GSK3B: variants seen among roughly 807,000 people sequenced by gnomAD.
GSK3B encodes the protein glycogen synthase kinase 3 beta.
Under a neutral mutation model 56.4 loss-of-function variants are expected in GSK3B, and 15 were observed. The ratio of observed to expected loss-of-function variants is 0.27; its 90% CI spans 0.18 to 0.41. The LOEUF (loss-of-function observed/expected upper bound fraction) is 0.41, where lower values mean the gene tolerates loss of function less well. Ranked by LOEUF, GSK3B falls within the 10% of genes least tolerant of loss-of-function variation. The pLI is 1.00. For missense variants in GSK3B, 300 were observed against 513.4 expected (o/e 0.58, Z 4.02); for synonymous variants, 181 against 188.9 (o/e 0.96, Z 0.34).
rs191874146 is a variant in GSK3B at position 119,826,946 on chromosome 3, T to A, written c.1196-91A>T. ...ACTGTTTCAACTGCAGGCTGTGAAC[T>A]GTATGGCCTTCCAAGCTGTTATTTG... On this transcript the variant is annotated intron_variant, in intron 10 of 10. Coordinates refer to ENST00000264235, the MANE Select transcript of GSK3B (RefSeq NM_001146156.2). 35 of 764,198 alleles carry A rather than the reference T, an allele frequency of 4.6e-5. No individual in the cohort carries two copies. The Admixed American group carries it at 6.2e-4, about 13-fold the overall frequency. The allele number at this position is 764,198 out of a possible 1,614,324, so 47.3% of individuals were successfully genotyped here.
At position 119,825,288 on chromosome 3, in the gene GSK3B, T is replaced by C. The variant is rs2055485792; in HGVS notation, c.*1500A>G. On this transcript the variant is annotated 3_prime_UTR_variant, in exon 11 of 11. Transcript: ENST00000264235. ...AAACAAACTAGTCATGAAAATCTAT[T>C]TCCTCACGGCAAACATAGTCCTTCA... 3 of 229,168 alleles carry C rather than the reference T, an allele frequency of 1.3e-5. No homozygotes were observed. The highest frequency in any genetic ancestry group is 1.7e-5 in the Non-Finnish European group (2 of 115,698). The allele number at this position is 229,168 out of a possible 1,614,324, so 14.2% of individuals were successfully genotyped here.
At chr3:119,901,717 C>T (rs1040992431) in intron 7 of GSK3B, among the ~76,000 whole-genome samples, 1 of 152,010 alleles carries the variant, frequency 6.6e-6, no homozygotes, top group Admixed American at 6.6e-5. Context: ...TAATTCAATA[C>T]AAACCTTAAT....
rs568287182 is a variant in GSK3B, at chr3:119,971,907, G to A, written c.283-24556C>T. 8.9e-4 allele frequency among the ~76,000 whole-genome samples: 136 copies of A among 152,002 alleles called. 1 individual carries two copies. The Middle Eastern group carries it at 0.01, about 11-fold the overall frequency. On this transcript the variant is annotated intron_variant, in intron 2 of 10. Transcript: ENST00000264235. ...ATTACAGGCGTGAGCCACCGCGCCC[G>A]GCCTGCAATAAAATTTTTATAAGGC... is the stretch of plus-strand genomic sequence containing the variant.
chr3:120,057,384 C>T (rs1434172545), intron 1 of GSK3B, among the ~76,000 whole-genome samples: 1 of 152,152 alleles, frequency 6.6e-6, no homozygotes, highest in Admixed American at 6.5e-5. Context: ...AGTATACATA[C>T]TCTTCAACCA....
At chr3:120,052,466 G>A (rs1292135860) in intron 1 of GSK3B, among the ~76,000 whole-genome samples, 1 of 152,120 alleles carries the variant, frequency 6.6e-6, no homozygotes, top group African/African-American at 2.4e-5. Context: ...TTAATTTCCT[G>A]TCCTAAAATA....
intron 9 of GSK3B, among the ~76,000 whole-genome samples, chr3:119,849,980 A>C (rs2055905405): frequency 6.6e-6 from 1 of 152,110 alleles, no homozygotes; most frequent in Non-Finnish European, 1.5e-5. Context: ...ATAATACCGA[A>C]TACAATGTAA....
At chr3:119,833,286 G>T (rs371732856) in intron 10 of GSK3B, among the ~76,000 whole-genome samples, 4 of 152,216 alleles carry the variant, frequency 2.6e-5, no homozygotes, top group South Asian at 4.2e-4. Context: ...GAAATGGGTT[G>T]GGAGGAGAAG....
intron 2 of GSK3B, among the ~76,000 whole-genome samples, chr3:119,952,499 A>G (rs1477733737): frequency 2.7e-5 from 4 of 146,206 alleles, no homozygotes; most frequent in East Asian, 1.9e-4. Flanking sequence ...AAAAAAAAAA[A>G]AAAAGAAAAG....
At chr3:120,025,020 G>C (rs918205976) in intron 1 of GSK3B, among the ~76,000 whole-genome samples, 8 of 152,144 alleles carry the variant, frequency 5.3e-5, no homozygotes, top group Non-Finnish European at 8.8e-5. Context: ...TCTAAAGCAG[G>C]CAGTGTGTGT....
intron 2 of GSK3B, among the ~76,000 whole-genome samples, chr3:119,970,276 G>A (rs1279129140): frequency 5.9e-5 from 9 of 152,116 alleles, no homozygotes; most frequent in Admixed American, 5.9e-4. Flanking sequence ...CTTTTAAAAT[G>A]GGTAAAAGAT....
chr3:119,941,935 A>C (rs1340090661), intron 3 of GSK3B, among the ~76,000 whole-genome samples: 1 of 152,220 alleles, frequency 6.6e-6, no homozygotes, highest in Non-Finnish European at 1.5e-5. Flanking sequence ...TCCTTGGCAT[A>C]TATGTCACCC....
At chr3:120,018,953 C>T (rs1249532229) in intron 1 of GSK3B, among the ~76,000 whole-genome samples, 1 of 152,032 alleles carries the variant, frequency 6.6e-6, no homozygotes, top group Non-Finnish European at 1.5e-5. Context: ...ATAGAAGGAA[C>T]ATTTCCTGAT....
chr3:119,833,687 G>GTTTTTTTT (rs1162358136), intron 10 of GSK3B, among the ~76,000 whole-genome samples: 2 of 133,448 alleles, frequency 1.5e-5, no homozygotes, highest in Admixed American at 7.4e-5. Flanking sequence ...GAAACATTAG[G>GTTTTTTTT]TTGTTTTTTT....
chr3:119,918,726 T>A (rs1292587442), intron 4 of GSK3B, among the ~76,000 whole-genome samples: 2 of 152,000 alleles, frequency 1.3e-5, no homozygotes, highest in East Asian at 3.9e-4. Flanking sequence ...ATGAAAACAA[T>A]TTTTTTTATT....
intron 9 of GSK3B, among the ~76,000 whole-genome samples, chr3:119,860,167 A>T (rs956941744): frequency 5.3e-5 from 8 of 152,166 alleles, no homozygotes; most frequent in African/African-American, 1.9e-4. Context: ...AAAACAATTG[A>T]TTCCCTAATA....
At chr3:119,991,488 A>T (rs2057564756) in intron 2 of GSK3B, among the ~76,000 whole-genome samples, 1 of 141,090 alleles carries the variant, frequency 7.1e-6, no homozygotes, top group Admixed American at 7.5e-5. Context: ...TTTGACCATT[A>T]TCTCTCATCT....
intron 2 of GSK3B, among the ~76,000 whole-genome samples, chr3:119,984,454 T>G (rs1000483672): frequency 6.7e-6 from 1 of 148,432 alleles, no homozygotes; most frequent in African/African-American, 2.5e-5. Flanking sequence ...TCAACAAAAT[T>G]GATAGACCGG....
Position 119,905,785 on chromosome 3 carries a change from A to G in GSK3B, c.783T>C (p.Ser261=). 6.3e-7 allele frequency: 1 copy of G among 1,596,792 alleles called. No individual in the cohort carries two copies. Among genetic ancestry groups the G allele is most frequent in the East Asian group, 2.2e-5 (1 of 44,790 alleles). ...LLGQPIFPGD[S]GVDQLVEIIK... ...TTATTTCTACCAACTGATCCACACC[A>G]CTATCCCCTGGAAATATTGGTTGTC... is the stretch of plus-strand genomic sequence containing the variant. The change falls in exon 7 of 11, where the codon AGT becomes AGC. Residue 261 remains serine, a synonymous_variant. Coordinates refer to ENST00000264235, the MANE Select transcript of GSK3B (RefSeq NM_001146156.2).
At chr3:119,988,856 A>G (rs958632812) in intron 2 of GSK3B, among the ~76,000 whole-genome samples, 4 of 152,228 alleles carry the variant, frequency 2.6e-5, no homozygotes, top group African/African-American at 9.6e-5. Context: ...TAATTAAGCC[A>G]AGTATAATAA....
Sources: allele counts gnomAD v4.1 joint callset (sites outside exome capture counted in the v4.1 genomes callset), GRCh38; gene constraint gnomAD v4.1.1; transcripts MANE v1.5; gene names NCBI Gene and HGNC (gene_info 2026-07-23, HGNC 2026-07-21).